PTPRM: variants seen among roughly 807,000 people sequenced by gnomAD.
PTPRM encodes receptor-type tyrosine-protein phosphatase mu.
Under a neutral mutation model 186.7 loss-of-function variants are expected in PTPRM, and 47 were observed. The observed-to-expected ratio is 0.25, with a 90% CI of 0.20 to 0.32. PTPRM has a LOEUF of 0.32. Ranked by LOEUF, PTPRM falls within the 10% of genes least tolerant of loss-of-function variation. The probability of loss-of-function intolerance (pLI) is 1.00; values close to 1 mark genes in which losing one functional copy is unlikely to be tolerated. For missense variants in PTPRM, 1,494 were observed against 1,865.0 expected, an observed-to-expected ratio of 0.80 and a Z score of 3.66; for synonymous variants, 668 against 674.9, an observed-to-expected ratio of 0.99 and a Z score of 0.16.
At chr18:7,844,658 C>T (rs1305756762) in intron 2 of PTPRM, among the ~76,000 whole-genome samples, 1 of 152,172 alleles carries the variant, frequency 6.6e-6, no homozygotes, top group Non-Finnish European at 1.5e-5. Flanking sequence ...GAATGATTCT[C>T]CATAATTCTT....
chr18:8,139,700 C>G (rs2092719403), intron 13 of PTPRM, among the ~76,000 whole-genome samples: 1 of 152,156 alleles, frequency 6.6e-6, no homozygotes, highest in South Asian at 2.1e-4. Context: ...CTCTCCCACT[C>G]CCTTTCCTCT....
chr18:8,358,085 TACAC>T (rs1016499267), intron 23 of PTPRM, among the ~76,000 whole-genome samples: 22 of 152,142 alleles, frequency 1.4e-4, no homozygotes, highest in African/African-American at 5.1e-4. Context: ...AATACATACA[TACAC>T]AACATATTTA....
intron 7 of PTPRM, among the ~76,000 whole-genome samples, chr18:8,014,534 A>T (rs2084740472): frequency 6.6e-6 from 1 of 152,196 alleles, no homozygotes; most frequent in Admixed American, 6.5e-5. Context: ...CGGTTAGGAT[A>T]ATTGCCTTTT....
intron 2 of PTPRM, among the ~76,000 whole-genome samples, chr18:7,841,649 A>G (rs904847917): frequency 6.6e-6 from 1 of 152,200 alleles, no homozygotes; most frequent in Non-Finnish European, 1.5e-5. Flanking sequence ...GAGAGTATGT[A>G]CAGGTTATCT....
intron 7 of PTPRM, among the ~76,000 whole-genome samples, chr18:7,958,782 C>T (rs2053483155): frequency 6.6e-6 from 1 of 152,102 alleles, no homozygotes; most frequent in East Asian, 1.9e-4. Flanking sequence ...ATTACATTTC[C>T]AAAAATCCGA....
rs1021872767 is a variant in PTPRM at position 8,398,725 on chromosome 18, G to A, written c.4344+4114G>A. Among the ~76,000 whole-genome samples the A allele has an allele frequency of 4.1e-5, 6 of 147,558 alleles. No individual in the cohort carries two copies. The East Asian group carries it at 5.9e-4, about 15-fold the overall frequency. ...GCAGAGGTTGCAGTGAGCTGAGATC[G>A]CACCACTGCACTCTAGCCTAGGTAA... On this transcript the variant is annotated intron_variant, in intron 32 of 32. Coordinates refer to ENST00000580170, the MANE Select transcript of PTPRM (RefSeq NM_001105244.2).
chr18:7,995,064 C>A (rs1245395753), intron 7 of PTPRM, among the ~76,000 whole-genome samples: 2 of 151,626 alleles, frequency 1.3e-5, no homozygotes, highest in Non-Finnish European at 2.9e-5. Context: ...AATAGATAAA[C>A]CTTTAGCTAG....
Position 7,945,176 on chromosome 18 carries a change from G to A in PTPRM, c.664-4005G>A, listed in dbSNP as rs79248263. Among the ~76,000 whole-genome samples the A allele has an allele frequency of 3.8e-3, 581 of 152,056 alleles. 6 individuals are homozygous for A. Among genetic ancestry groups the A allele is most frequent in the African/African-American group, 0.013 (553 of 41,476 alleles). On this transcript the variant is annotated intron_variant, in intron 5 of 32. Transcript: ENST00000580170. ...CTCAGGAATCTGCAGAGTCCCGGCC[G>A]GGCGTGGTGGCTCACGCCTGTAATC...
At chr18:7,973,708 A>G (rs983599385) in intron 7 of PTPRM, among the ~76,000 whole-genome samples, 4 of 152,134 alleles carry the variant, frequency 2.6e-5, no homozygotes, top group African/African-American at 7.2e-5. Context: ...AAATTTATCA[A>G]TTATATCTTT....
chr18:7,892,414 G>A (rs2049127996), intron 3 of PTPRM, among the ~76,000 whole-genome samples: 1 of 152,158 alleles, frequency 6.6e-6, no homozygotes, highest in Non-Finnish European at 1.5e-5. Flanking sequence ...GAGTAAGATG[G>A]TCCCATATAT....
rs1283676429 is a variant in PTPRM at position 8,384,676 on chromosome 18, A to G, written c.4034A>G (p.Asn1345Ser). 4.3e-6 allele frequency: 7 copies of G among 1,613,964 alleles called. No homozygotes were observed. The highest frequency in any genetic ancestry group is 1.6e-4 in the Middle Eastern group (1 of 6,082). ...ATCAGCAGGATATTCCGCATTTACAATGCCGCCAGAGTAAGAGACGGGCCT... is the reference window on the plus strand; with the variant it reads ...ATCAGCAGGATATTCCGCATTTACAGTGCCGCCAGAGTAAGAGACGGGCCT... The part of the protein sequence containing the change: ...DIISRIFRIY[N>S]AARPQDGYRM... Residue 1345 changes from asparagine (N) to serine (S), a missense_variant, in exon 30 of 33, where the codon AAT (asparagine) becomes AGT (serine). Physicochemically the swap from Asn to Ser is conservative, Grantham distance 46. Transcript: ENST00000580170.
intron 2 of PTPRM, among the ~76,000 whole-genome samples, chr18:7,858,189 A>G (rs527468007): frequency 1.2e-4 from 19 of 152,232 alleles, no homozygotes; most frequent in Non-Finnish European, 2.5e-4. Context: ...TTGAAAGAGT[A>G]CAAGATTACT....
chr18:8,210,372 G>A (rs4797309), intron 14 of PTPRM, among the ~76,000 whole-genome samples: 44,186 of 151,934 alleles, frequency 0.29, 6,551 homozygotes, highest in Middle Eastern at 0.5. Context: ...GAAGAGACAC[G>A]GGGAGAAGGC....
At chr18:7,928,870 C>T (rs2051322588) in intron 5 of PTPRM, among the ~76,000 whole-genome samples, 1 of 152,148 alleles carries the variant, frequency 6.6e-6, no homozygotes, top group African/African-American at 2.4e-5. Context: ...GAATCTTTCA[C>T]TACTTCCTAC....
chr18:7,788,293 C>A (rs1161200137), intron 2 of PTPRM, among the ~76,000 whole-genome samples: 1 of 152,058 alleles, frequency 6.6e-6, no homozygotes, highest in East Asian at 1.9e-4. Flanking sequence ...ACTAGGCTAT[C>A]AAATGAAATA....
chr18:8,341,323 T>C (rs1239441992), intron 22 of PTPRM, among the ~76,000 whole-genome samples: 1 of 152,156 alleles, frequency 6.6e-6, no homozygotes, highest in Non-Finnish European at 1.5e-5. Context: ...TACCATCCAT[T>C]CATTGATTCA....
chr18:8,001,376 G>A (rs559146865), intron 7 of PTPRM, among the ~76,000 whole-genome samples: 1 of 152,280 alleles, frequency 6.6e-6, no homozygotes, highest in African/African-American at 2.4e-5. Context: ...AGTTTTGTGT[G>A]TCACAGGCCA....
At chr18:7,933,342 A>G (rs1167264512) in intron 5 of PTPRM, among the ~76,000 whole-genome samples, 2 of 152,242 alleles carry the variant, frequency 1.3e-5, no homozygotes, top group East Asian at 3.8e-4. Context: ...AGAATCTTCT[A>G]TACTTCAAAT....
chr18:8,069,177 T>C (rs1173692366), intron 7 of PTPRM, among the ~76,000 whole-genome samples: 1 of 150,736 alleles, frequency 6.6e-6, no homozygotes, highest in Non-Finnish European at 1.5e-5. Flanking sequence ...AAAAAGAGGC[T>C]TAAGTAAGAT....
Sources: allele counts gnomAD v4.1 joint callset (sites outside exome capture counted in the v4.1 genomes callset), GRCh38; gene constraint gnomAD v4.1.1; transcripts MANE v1.5; gene names NCBI Gene and HGNC (gene_info 2026-07-23, HGNC 2026-07-21).